PGAP4: variants seen among roughly 807,000 people sequenced by gnomAD.
PGAP4 encodes the protein GPI-N-acetylgalactosamine transferase PGAP4.
In PGAP4, 12 loss-of-function variants were observed where a neutral mutation model predicts 28.2. The observed-to-expected ratio is 0.42, with a 90% confidence interval of 0.27 to 0.69. PGAP4 has a LOEUF of 0.69. Ranked by LOEUF, PGAP4 falls within the 30% of genes least tolerant of loss-of-function variation. The pLI, the probability that PGAP4 is intolerant of heterozygous loss-of-function variation, is 0.22. For synonymous variants in PGAP4, 205 were observed against 211.8 expected (o/e 0.97, Z 0.28); for missense variants, 425 against 513.5 (o/e 0.83, Z 1.67).
At chr9:101,526,445 A>G (rs940316833) in intron 2 of PGAP4, among the ~76,000 whole-genome samples, 4 of 151,984 alleles carry the variant, frequency 2.6e-5, no homozygotes, top group Admixed American at 2.6e-4. Context: ...ATTTTTTTAA[A>G]TTTATTTTTA....
chr9:101,518,848 C>G lies in PGAP4; in HGVS notation c.-165+12500G>C, dbSNP rs28865102. 1.8e-3 allele frequency among the ~76,000 whole-genome samples: 268 copies of G among 152,300 alleles called. 2 individuals are homozygous for G. Among genetic ancestry groups the G allele is most frequent in the African/African-American group, 6.2e-3 (259 of 41,562 alleles). On this transcript the variant is annotated intron_variant, in intron 2 of 3. Transcript: ENST00000374851. Reference sequence around the variant, plus strand: ...ATACCCAGTAATGGGATTGCTGGATCAAATAGTAGTTCTACTTTTAGTTCT... The same window carrying G: ...ATACCCAGTAATGGGATTGCTGGATGAAATAGTAGTTCTACTTTTAGTTCT...
At chr9:101,518,688 T>G (rs1826960805) in intron 2 of PGAP4, among the ~76,000 whole-genome samples, 1 of 152,216 alleles carries the variant, frequency 6.6e-6, no homozygotes, top group South Asian at 2.1e-4. Flanking sequence ...TGTATATACA[T>G]ACCATAATTT....
rs77185806 is a variant in PGAP4, at chr9:101,512,790, G to A, written c.-165+18558C>T. On this transcript the variant is annotated intron_variant, in intron 2 of 3. Coordinates refer to the PGAP4 transcript ENST00000374851. ...TGTGGTTTCTACTCATTTCCTCTCCGTGGATTTAAGGGGGAAATATTTGCA... is the reference window on the plus strand; with the variant it reads ...TGTGGTTTCTACTCATTTCCTCTCCATGGATTTAAGGGGGAAATATTTGCA... 2.4e-4 allele frequency among the ~76,000 whole-genome samples: 37 copies of A among 152,206 alleles called. 1 individual carries two copies. The East Asian group carries it at 7.0e-3, about 29-fold the overall frequency.
upstream of PGAP4, among the ~76,000 whole-genome samples, chr9:101,491,601 A>C (rs1248538627): frequency 6.6e-6 from 1 of 151,802 alleles, no homozygotes; most frequent in Non-Finnish European, 1.5e-5. Flanking sequence ...AAATATTTTC[A>C]ATTTTTCCTT....
chr9:101,484,459 G>A (rs967323162), intron 1 of PGAP4, among the ~76,000 whole-genome samples: 2 of 152,192 alleles, frequency 1.3e-5, no homozygotes, highest in African/African-American at 2.4e-5. Context: ...GCTTTGGACT[G>A]AATGTTTGTC....
At chr9:101,477,310 G>A (rs1225918600) in intron 1 of PGAP4, 141 bp from the exon 2 acceptor site, 1 of 524,860 alleles carries the variant, frequency 1.9e-6, no homozygotes, top group Non-Finnish European at 3.1e-6. Flanking sequence ...AGCTTCTACA[G>A]ACTCTAAAGT....
intron 2 of PGAP4, among the ~76,000 whole-genome samples, chr9:101,495,865 C>T (rs1826742948): frequency 1.3e-5 from 2 of 150,696 alleles, no homozygotes; most frequent in Admixed American, 6.7e-5. Context: ...AAAACAAAAA[C>T]ATCCTCCCAT....
intron 2 of PGAP4, among the ~76,000 whole-genome samples, chr9:101,497,584 T>G (rs1286666378): frequency 6.6e-6 from 1 of 151,660 alleles, no homozygotes; most frequent in East Asian, 1.9e-4. Context: ...TGTGTATCTA[T>G]CTATATAAGA....
chr9:101,484,671 C>A (rs1826572973), intron 1 of PGAP4, among the ~76,000 whole-genome samples: 1 of 152,092 alleles, frequency 6.6e-6, no homozygotes, highest in Non-Finnish European at 1.5e-5. Flanking sequence ...GAAAGAGAGC[C>A]CTCACCAAAA....
At position 101,486,040 on chromosome 9, in the gene PGAP4, C is replaced by A. The variant is rs1332662698; in HGVS notation, c.-78+909G>T. 6.6e-6 allele frequency among the ~76,000 whole-genome samples: 1 copy of A among 152,166 alleles called. No homozygotes were observed. Among genetic ancestry groups the A allele is most frequent in the Non-Finnish European group, 1.5e-5 (1 of 68,034 alleles). On this transcript the variant is annotated intron_variant, in intron 1 of 1. Coordinates refer to ENST00000374848, the MANE Select transcript of PGAP4 (RefSeq NM_032342.3). This position sits in a 1 kb window ranked among gnomAD's most constrained non-coding sequence, Gnocchi z 4.7. ...TCATTGGAGCCGCCCTGCGGTCCCC[C>A]GGAGAGAGCCTGGGCCGAGCAGAGG...
At chr9:101,497,686 A>T (rs1325640253) in intron 2 of PGAP4, among the ~76,000 whole-genome samples, 1 of 151,688 alleles carries the variant, frequency 6.6e-6, no homozygotes, top group African/African-American at 2.4e-5. Context: ...TCAATAATTT[A>T]AAAACCAGCT....
intron 2 of PGAP4, among the ~76,000 whole-genome samples, chr9:101,500,326 G>C (rs1826785799): frequency 6.6e-6 from 1 of 151,836 alleles, no homozygotes; most frequent in Admixed American, 6.6e-5. Flanking sequence ...TTAGTTTTTA[G>C]GGCTCTCACA....
intron 2 of PGAP4, among the ~76,000 whole-genome samples, chr9:101,505,250 T>TA (rs1195563929): frequency 1.3e-5 from 2 of 151,916 alleles, no homozygotes; most frequent in African/African-American, 4.8e-5. Context: ...AGAATTACAA[T>TA]AGCCATATGT....
intron 2 of PGAP4, among the ~76,000 whole-genome samples, chr9:101,529,899 C>T (rs1030160287): frequency 1.6e-4 from 24 of 152,150 alleles, no homozygotes; most frequent in African/African-American, 5.3e-4. Flanking sequence ...AGCTTTCCCC[C>T]GGAAATTCTG....
At chr9:101,524,645 C>T (rs1055729620) in intron 2 of PGAP4, among the ~76,000 whole-genome samples, 2 of 152,312 alleles carry the variant, frequency 1.3e-5, no homozygotes, top group East Asian at 1.9e-4. Context: ...GCTCCCAGGG[C>T]CTTACTGCTG....
chr9:101,528,218 C>A (rs1336146012), intron 2 of PGAP4, among the ~76,000 whole-genome samples: 1 of 152,124 alleles, frequency 6.6e-6, no homozygotes, highest in Non-Finnish European at 1.5e-5. Flanking sequence ...TACCAGTCAG[C>A]AAAAATATTT....
intron 1 of PGAP4, among the ~76,000 whole-genome samples, chr9:101,478,738 T>A (rs1174921448): frequency 6.6e-6 from 1 of 152,122 alleles, no homozygotes; most frequent in Admixed American, 6.6e-5. Context: ...GAAGCCTGGG[T>A]CCTTGAATCC....
chr9:101,510,498 A>G (rs930053832), intron 2 of PGAP4, among the ~76,000 whole-genome samples: 2 of 152,064 alleles, frequency 1.3e-5, no homozygotes, highest in Non-Finnish European at 2.9e-5. Context: ...GCCAGTTGCC[A>G]TATGTTATAC....
At chr9:101,518,192 T>C (rs528599505) in intron 2 of PGAP4, among the ~76,000 whole-genome samples, 3 of 152,340 alleles carry the variant, frequency 2.0e-5, no homozygotes, top group South Asian at 4.1e-4. Flanking sequence ...GCTGCACCCA[T>C]ATTGCTGCAA....
Sources: gnomAD v4.1 joint callset for allele counts (sites outside exome capture counted in the v4.1 genomes callset) on GRCh38, gnomAD v4.1.1 for gene constraint, Gnocchi (gnomAD v3.1) non-coding constraint, MANE v1.5 for transcripts, NCBI Gene and HGNC (gene_info 2026-07-23, HGNC 2026-07-21) for gene names.